ZNRF1: variants seen among roughly 807,000 people sequenced by gnomAD.
The protein encoded by ZNRF1 is zinc and ring finger 1, also known as E3 ubiquitin-protein ligase ZNRF1.
ZNRF1 carries 3 observed loss-of-function variants against 18.4 expected under a neutral mutation model. That is an observed-to-expected ratio of 0.16 (90% CI 0.07 to 0.42). ZNRF1 has a LOEUF of 0.42. Among genes scored for constraint, ZNRF1 ranks in the 10% least tolerant of loss-of-function variants. The pLI is 0.99. For missense variants in ZNRF1, 310 were observed against 329.8 expected (o/e 0.94, Z 0.47); for synonymous variants, 157 against 144.2 (o/e 1.09, Z -0.64).
intron 1 of ZNRF1, among the ~76,000 whole-genome samples, chr16:75,030,828 T>A (rs1294556777): frequency 6.9e-6 from 1 of 145,808 alleles, no homozygotes; most frequent in African/African-American, 2.5e-5. Flanking sequence ...TGCAGCACTT[T>A]ATTCCTTTTT....
intron 1 of ZNRF1, among the ~76,000 whole-genome samples, chr16:75,045,914 A>G (rs1374341009): frequency 6.7e-6 from 1 of 149,644 alleles, no homozygotes; most frequent in South Asian, 2.1e-4. Context: ...TTTTATTTTT[A>G]TTTTTGAGAT....
chr16:75,024,577 C>G (rs2035196265), intron 1 of ZNRF1, among the ~76,000 whole-genome samples: 3 of 151,936 alleles, frequency 2.0e-5, no homozygotes, highest in Admixed American at 1.3e-4. Flanking sequence ...AAATTAATCT[C>G]AAACAAAAAA....
At chr16:75,003,432 CT>C (rs2034878860) in intron 1 of ZNRF1, among the ~76,000 whole-genome samples, 3 of 152,288 alleles carry the variant, frequency 2.0e-5, no homozygotes, top group Middle Eastern at 3.4e-3. Context: ...AATTTGAGTA[CT>C]TTATGTTCAT....
intron 1 of ZNRF1, among the ~76,000 whole-genome samples, chr16:75,079,231 C>T (rs2035980773): frequency 6.6e-6 from 1 of 152,156 alleles, no homozygotes; most frequent in South Asian, 2.1e-4. Context: ...CCTGTAATCC[C>T]AACTCTTTGG....
At chr16:75,102,423 G>A (rs1424538937) in intron 2 of ZNRF1, among the ~76,000 whole-genome samples, 2 of 152,158 alleles carry the variant, frequency 1.3e-5, no homozygotes, top group Non-Finnish European at 2.9e-5. Flanking sequence ...ACACGCACAT[G>A]TGTTTGTCAT....
At chr16:75,057,293 C>G (rs1440335881) in intron 1 of ZNRF1, among the ~76,000 whole-genome samples, 1 of 152,160 alleles carries the variant, frequency 6.6e-6, no homozygotes, top group Non-Finnish European at 1.5e-5. Flanking sequence ...TATTCTAATA[C>G]AAATACAGAT....
chr16:75,095,727 A>G, intron 2 of ZNRF1: 1 of 1,543,300 alleles, frequency 6.5e-7, no homozygotes, highest in South Asian at 1.2e-5. Flanking sequence ...AGTTACCCCC[A>G]CTGCCCTGTG....
chr16:75,050,504 C>T (rs2035580387), intron 1 of ZNRF1, among the ~76,000 whole-genome samples: 1 of 151,634 alleles, frequency 6.6e-6, no homozygotes, highest in Admixed American at 6.6e-5. Flanking sequence ...CCAGCCTGGG[C>T]AACAGAGCCA....
intron 1 of ZNRF1, among the ~76,000 whole-genome samples, chr16:75,018,115 A>T (rs1427650165): frequency 6.6e-6 from 1 of 152,226 alleles, no homozygotes; most frequent in African/African-American, 2.4e-5. Context: ...ATCACTCACA[A>T]CAGTGCCCAG....
At chr16:75,013,105 T>G (rs2035020639) in intron 1 of ZNRF1, among the ~76,000 whole-genome samples, 1 of 152,176 alleles carries the variant, frequency 6.6e-6, no homozygotes, top group Admixed American at 6.5e-5. Context: ...ATTAGGAACC[T>G]CTGTTCAGAA....
At chr16:75,076,068 C>T (rs2035936968) in intron 1 of ZNRF1, among the ~76,000 whole-genome samples, 1 of 152,210 alleles carries the variant, frequency 6.6e-6, no homozygotes, top group Non-Finnish European at 1.5e-5. Context: ...AAATATCAAA[C>T]AACCCTGATC....
intron 1 of ZNRF1, among the ~76,000 whole-genome samples, chr16:75,030,062 C>CAAAAA (rs34968109): frequency 1.0e-5 from 1 of 97,784 alleles, no homozygotes; most frequent in African/African-American, 3.8e-5. Context: ...GATGCTATCT[C>CAAAAA]AAAAAAAAAA....
chr16:75,045,075 C>T (rs2035498225), intron 1 of ZNRF1, among the ~76,000 whole-genome samples: 1 of 152,172 alleles, frequency 6.6e-6, no homozygotes, highest in African/African-American at 2.4e-5. Flanking sequence ...GGCAGGTGTC[C>T]TGGTTGGATC....
intron 1 of ZNRF1, among the ~76,000 whole-genome samples, chr16:75,017,649 C>G (rs2035089761): frequency 6.6e-6 from 1 of 152,188 alleles, no homozygotes; most frequent in African/African-American, 2.4e-5. Flanking sequence ...AGGCCTAAAA[C>G]TGAGATCTCC....
chr16:75,095,859 C>A, intron 2 of ZNRF1: 1 of 1,044,638 alleles, frequency 9.6e-7, no homozygotes. Flanking sequence ...GGTTTACCCC[C>A]CTACACCCCA....
chr16:75,066,442 G>C (rs7195714), intron 1 of ZNRF1, among the ~76,000 whole-genome samples: 3,558 of 152,282 alleles, frequency 0.023, 160 homozygotes, highest in African/African-American at 0.082. Context: ...ATAAAATATT[G>C]ATGAAGGGAT....
chr16:75,058,647 G>T (rs1470474487), intron 1 of ZNRF1, among the ~76,000 whole-genome samples: 1 of 152,174 alleles, frequency 6.6e-6, no homozygotes, highest in East Asian at 1.9e-4. Context: ...AAAGTAAGTA[G>T]CAAACCTCAT....
At chr16:75,009,984 C>G (rs558981614) in intron 1 of ZNRF1, among the ~76,000 whole-genome samples, 2 of 151,758 alleles carry the variant, frequency 1.3e-5, no homozygotes, top group Admixed American at 6.6e-5. Context: ...ATCAGGTTGC[C>G]TCTTTTCTTT....
At chr16:75,057,590 A>C (rs1268877316) in intron 1 of ZNRF1, among the ~76,000 whole-genome samples, 1 of 152,162 alleles carries the variant, frequency 6.6e-6, no homozygotes, top group Non-Finnish European at 1.5e-5. Flanking sequence ...CTTTGCAAGA[A>C]ATTCGATGGA....
Sources: allele counts gnomAD v4.1 joint callset (sites outside exome capture counted in the v4.1 genomes callset), GRCh38; gene constraint gnomAD v4.1.1; transcripts MANE v1.5; gene names NCBI Gene and HGNC (gene_info 2026-07-23, HGNC 2026-07-21).